The following FGD6 variants were observed in gnomAD, a reference collection of about 807,000 sequenced individuals.
FGD6 encodes FYVE, RhoGEF and PH domain containing 6.
Under a neutral mutation model 149.4 loss-of-function variants are expected in FGD6, and 90 were observed. The ratio of observed to expected loss-of-function variants is 0.60; its 90% CI spans 0.51 to 0.72. FGD6 has a LOEUF of 0.72. FGD6 is among the 30% of genes least tolerant of loss of function. FGD6 has a pLI of 0.00. For synonymous variants in FGD6, 527 were observed against 584.0 expected, an observed-to-expected ratio of 0.90 and a Z score of 1.41; for missense variants, 1,437 against 1,684.8, an observed-to-expected ratio of 0.85 and a Z score of 2.57.
At chr12:95,179,303 C>T (rs1881214559) in intron 2 of FGD6, among the ~76,000 whole-genome samples, 2 of 151,304 alleles carry the variant, frequency 1.3e-5, no homozygotes, top group South Asian at 2.1e-4. Context: ...AGTTCGAGAC[C>T]GGCCTGGGCA....
chr12:95,186,470 T>A (rs764258991), intron 2 of FGD6, among the ~76,000 whole-genome samples: 1 of 150,642 alleles, frequency 6.6e-6, no homozygotes, highest in African/African-American at 2.4e-5. Flanking sequence ...AGTGCTGGGA[T>A]TATAGGCATG....
chr12:95,083,901 G>C lies in FGD6; in HGVS notation c.4256+597C>G, dbSNP rs1001761680. On this transcript the variant is annotated intron_variant, in intron 20 of 20. Transcript: ENST00000343958. ...AAAGAGACCTAATTTCACAGAGGTA[G>C]ATACGCATCTCTATGTTAAGCAAAC... 1.2e-4 allele frequency among the ~76,000 whole-genome samples: 19 copies of C among 152,326 alleles called. 4 individuals carry two copies. Among genetic ancestry groups the C allele is most frequent in the Admixed American group, 7.2e-4 (11 of 15,308 alleles).
chr12:95,160,411 C>T (rs1565912253), intron 3 of FGD6, among the ~76,000 whole-genome samples: 1 of 152,042 alleles, frequency 6.6e-6, no homozygotes, highest in Non-Finnish European at 1.5e-5. Context: ...CCAACTGGAA[C>T]CTTTATATAT....
At chr12:95,093,798 G>A (rs1186733932) in intron 15 of FGD6, among the ~76,000 whole-genome samples, 2 of 151,478 alleles carry the variant, frequency 1.3e-5, no homozygotes, top group African/African-American at 2.4e-5. Flanking sequence ...GCAGTGAGCC[G>A]AGATTGCACC....
intron 8 of FGD6, among the ~76,000 whole-genome samples, chr12:95,119,783 A>G (rs1879132148): frequency 6.6e-6 from 1 of 152,112 alleles, no homozygotes; most frequent in African/African-American, 2.4e-5. Context: ...AGCTGGGGGT[A>G]GTGGCACACG....
intron 2 of FGD6, among the ~76,000 whole-genome samples, chr12:95,192,311 T>A (rs1302603084): frequency 6.6e-6 from 1 of 152,150 alleles, no homozygotes. Context: ...GATAGAATGA[T>A]GAGTTGGTGC....
At chr12:95,211,618 C>A (rs191080061) in intron 1 of FGD6, among the ~76,000 whole-genome samples, 335 of 151,426 alleles carry the variant, frequency 2.2e-3, no homozygotes, top group African/African-American at 7.7e-3. Context: ...CGGCTCACTG[C>A]AACCTCTGCT....
chr12:95,091,784 T>C lies in FGD6; in HGVS notation c.3773A>G (p.Asn1258Ser), dbSNP rs774642216. Residue 1258 changes from asparagine (N) to serine (S), a missense_variant, in exon 17 of 21, where the codon AAT becomes AGT. Asn to Ser is a conservative substitution (Grantham distance 46, BLOSUM62 1). Around this residue, in one of 2 missense-constraint regions of FGD6, gnomAD observed 382 missense variants for 538.7 expected, o/e 0.71. Coordinates refer to ENST00000343958, the MANE Select transcript of FGD6 (RefSeq NM_018351.4). ...GKIVCQACSS[N>S]KYGLDYLKNQ... ...TTTCAGGTAATCTAAGCCATACTTA[T>C]TAGACGAACAAGCTTGGCATACAAT... 15 of 1,613,090 alleles carry C rather than the reference T, an allele frequency of 9.3e-6. No homozygotes were observed. The highest frequency in any genetic ancestry group is 1.3e-5 in the Non-Finnish European group (15 of 1,179,722).
At chr12:95,086,550 T>C (rs1292803495) in intron 18 of FGD6, among the ~76,000 whole-genome samples, 3 of 141,386 alleles carry the variant, frequency 2.1e-5, no homozygotes, top group Admixed American at 1.4e-4. Context: ...TTTTTTTTTT[T>C]TTTTTTTGAG....
intron 2 of FGD6, among the ~76,000 whole-genome samples, chr12:95,177,583 T>C (rs960174550): frequency 6.6e-6 from 1 of 152,198 alleles, no homozygotes; most frequent in African/African-American, 2.4e-5. Flanking sequence ...AACCTGCTTG[T>C]CCTCAGGATG....
intron 1 of FGD6, among the ~76,000 whole-genome samples, chr12:95,214,909 C>G (rs2056746466): frequency 7.0e-6 from 1 of 143,808 alleles, no homozygotes; most frequent in Admixed American, 7.2e-5. Context: ...GTCACCCAGG[C>G]TAGAGTGCAG....
chr12:95,213,826 G>A (rs1174711346), intron 1 of FGD6, among the ~76,000 whole-genome samples: 2 of 152,078 alleles, frequency 1.3e-5, no homozygotes, highest in Admixed American at 6.5e-5. Context: ...AACCCTCAAC[G>A]CATACTCACT....
chr12:95,095,050 A>G (rs773280205), intron 14 of FGD6, among the ~76,000 whole-genome samples: 9 of 152,258 alleles, frequency 5.9e-5, no homozygotes, highest in Non-Finnish European at 8.8e-5. Context: ...TTCTTAAGAC[A>G]TCATCCTAGA....
chr12:95,185,270 A>G (rs1461919692), intron 2 of FGD6, among the ~76,000 whole-genome samples: 3 of 152,234 alleles, frequency 2.0e-5, no homozygotes. Flanking sequence ...GGAAACCAAA[A>G]AAAATCACTA....
At position 95,159,712 on chromosome 12, in the gene FGD6, TA is replaced by T. The variant is rs553093602; in HGVS notation, c.2587-6720del. ...AGCTGGGCATGGTGGTGCACACATG[TA>T]GTCCCAGCTACTCAGGAGGCTGAGG... On this transcript the variant is annotated intron_variant, in intron 3 of 20. Coordinates refer to ENST00000343958, the MANE Select transcript of FGD6 (RefSeq NM_018351.4). Among the ~76,000 whole-genome samples, 187 of 152,270 alleles carry T rather than the reference TA, an allele frequency of 1.2e-3. 1 individual carries two copies. Among genetic ancestry groups the T allele is most frequent in the Non-Finnish European group, 2.2e-3 (147 of 68,018 alleles).
At chr12:95,107,517 A>G in intron 12 of FGD6, 46 bp downstream of exon 12, 1 of 1,593,924 alleles carries the variant, frequency 6.3e-7, no homozygotes, top group Non-Finnish European at 8.6e-7. Flanking sequence ...TTCCTTAAGC[A>G]ACTATCCCTA....
chr12:95,145,202 T>G (rs1032081203), intron 5 of FGD6, among the ~76,000 whole-genome samples: 1 of 152,092 alleles, frequency 6.6e-6, no homozygotes, highest in Non-Finnish European at 1.5e-5. Flanking sequence ...TTGGCCAGAC[T>G]GGTTTTGAAC....
chr12:95,081,590 A>G, intron 20 of FGD6, 34 bp from the exon 21 acceptor site: 1 of 1,549,058 alleles, frequency 6.5e-7, no homozygotes. Context: ...GATTTGTAAA[A>G]CCTAATCATC....
Position 95,210,801 on chromosome 12 carries a change from C to T in FGD6, c.483G>A (p.Leu161=), listed in dbSNP as rs150440348. 1.5e-5 allele frequency: 25 copies of T among 1,613,908 alleles called. No individual in the cohort carries two copies. In the African/African-American group the frequency reaches 3.2e-4, roughly 21 times the overall value. The change falls in exon 2 of 21, where the codon TTG becomes TTA. Residue 161 remains leucine (L), a synonymous_variant. Coordinates refer to ENST00000343958, the MANE Select transcript of FGD6 (RefSeq NM_018351.4). ...LTIKTRSKCD[L]YGEKAKNQGG... ...CCTGGTTCTTGGCTTTTTCACCATA[C>T]AAATCACATTTACTCCTAGTTTTTA... is the stretch of plus-strand genomic sequence containing the variant.
Sources: gnomAD v4.1 joint callset for allele counts (sites outside exome capture counted in the v4.1 genomes callset) on GRCh38, gnomAD v4.1.1 for gene constraint, gnomAD v4.1.1 regional missense constraint, MANE v1.5 for transcripts, NCBI Gene and HGNC (gene_info 2026-07-23, HGNC 2026-07-21) for gene names.